Variants in TMEM135 observed in about 807,000 individuals in gnomAD.
TMEM135 encodes the protein transmembrane protein 135, also known as peroxisomal membrane protein 52.
A neutral mutation model predicts 60.3 loss-of-function variants in TMEM135; 30 were observed. That is an observed-to-expected ratio of 0.50 (90% CI 0.37 to 0.68). The LOEUF is 0.68. Ranked by LOEUF, TMEM135 falls within the 30% of genes least tolerant of loss-of-function variation. The pLI is 0.00. For missense variants in TMEM135, 468 were observed against 548.8 expected (o/e 0.85, Z 1.47); for synonymous variants, 190 against 186.7 (o/e 1.02, Z -0.14).
chr11:87,213,361 T>C (rs552016251), intron 5 of TMEM135, among the ~76,000 whole-genome samples: 1 of 152,272 alleles, frequency 6.6e-6, no homozygotes, highest in African/African-American at 2.4e-5. Context: ...GTTTTGGCAG[T>C]GTATAACAGA....
At chr11:87,150,215 C>CAAAA (rs200067307) in intron 4 of TMEM135, among the ~76,000 whole-genome samples, 3 of 109,896 alleles carry the variant, frequency 2.7e-5, no homozygotes, top group African/African-American at 3.3e-5. Flanking sequence ...AACTCTGTCT[C>CAAAA]AAAAAAAAAA....
chr11:87,098,423 A>T (rs1857379557), intron 4 of TMEM135, among the ~76,000 whole-genome samples: 1 of 152,132 alleles, frequency 6.6e-6, no homozygotes, highest in African/African-American at 2.4e-5. Flanking sequence ...TTTTAGATTA[A>T]AAGATACAAA....
chr11:87,133,541 T>C (rs1001610599), intron 4 of TMEM135, among the ~76,000 whole-genome samples: 1 of 152,214 alleles, frequency 6.6e-6, no homozygotes, highest in African/African-American at 2.4e-5. Flanking sequence ...AACCAGTTTA[T>C]TGAGGTATAA....
Position 87,324,759 on chromosome 11 carries a change from G to T in TMEM135, c.*3426G>T. On this transcript the variant is annotated 3_prime_UTR_variant, in exon 15 of 15. Coordinates refer to ENST00000305494, the MANE Select transcript of TMEM135 (RefSeq NM_022918.4). ...TTTTTATTTGTATGAGTATTAAGTA[G>T]TTTGACACAGCAACAAAGTTGTCCT... The T allele has an allele frequency of 2.2e-6, 1 of 453,858 alleles. No homozygotes were observed. Among genetic ancestry groups the T allele is most frequent in the Non-Finnish European group, 4.4e-6 (1 of 226,752 alleles). 28.1% of individuals were successfully genotyped at this position (453,858 alleles called of 1,614,324 possible).
chr11:87,263,163 A>G (rs539172233), intron 6 of TMEM135, among the ~76,000 whole-genome samples: 1 of 152,300 alleles, frequency 6.6e-6, no homozygotes, highest in South Asian at 2.1e-4. Flanking sequence ...ATGTGGTCCT[A>G]TTTGGAGTAG....
chr11:87,134,596 C>G (rs1202789347), intron 4 of TMEM135, among the ~76,000 whole-genome samples: 3 of 152,200 alleles, frequency 2.0e-5, no homozygotes, highest in East Asian at 3.8e-4. Flanking sequence ...ATCCTTTCAC[C>G]TCAGACTCCT....
intron 4 of TMEM135, among the ~76,000 whole-genome samples, chr11:87,149,369 T>G (rs184176216): frequency 2.8e-4 from 43 of 152,264 alleles, no homozygotes; most frequent in African/African-American, 1.0e-3. Context: ...AGCTAGTGTC[T>G]TCGTCATTCT....
At chr11:87,191,087 T>A (rs1365102152) in intron 5 of TMEM135, among the ~76,000 whole-genome samples, 1 of 152,184 alleles carries the variant, frequency 6.6e-6, no homozygotes, top group Non-Finnish European at 1.5e-5. Context: ...GCCGGCTGGT[T>A]GCAAGGAGGC....
At chr11:87,085,765 AAAC>A (rs1306660562) in intron 3 of TMEM135, among the ~76,000 whole-genome samples, 1 of 152,268 alleles carries the variant, frequency 6.6e-6, no homozygotes, top group Middle Eastern at 3.4e-3. Flanking sequence ...AAAAACAAAC[AAAC>A]AACAACAAAA....
chr11:87,274,088 A>G (rs1449359085), intron 6 of TMEM135, among the ~76,000 whole-genome samples: 1 of 152,228 alleles, frequency 6.6e-6, no homozygotes, highest in Admixed American at 6.5e-5. Flanking sequence ...ACCATCCTTT[A>G]GAGTGGGTTG....
intron 5 of TMEM135, among the ~76,000 whole-genome samples, chr11:87,186,072 A>G (rs192860190): frequency 1.3e-5 from 2 of 152,106 alleles, no homozygotes; most frequent in African/African-American, 4.8e-5. Context: ...ACATTCAGCT[A>G]TTTTTTGTAT....
intron 5 of TMEM135, among the ~76,000 whole-genome samples, chr11:87,223,378 G>T (rs1473222103): frequency 6.6e-6 from 1 of 151,588 alleles, no homozygotes; most frequent in African/African-American, 2.4e-5. Flanking sequence ...CACCGTGTTA[G>T]CCAGGATGGT....
intron 6 of TMEM135, among the ~76,000 whole-genome samples, chr11:87,283,531 T>G (rs367613546): frequency 6.6e-5 from 10 of 152,332 alleles, no homozygotes; most frequent in African/African-American, 2.4e-4. Context: ...TGCTATATTA[T>G]TTTACTGACA....
At chr11:87,208,184 C>A (rs1180096920) in intron 5 of TMEM135, among the ~76,000 whole-genome samples, 1 of 152,142 alleles carries the variant, frequency 6.6e-6, no homozygotes, top group Non-Finnish European at 1.5e-5. Context: ...CTTTTTACCT[C>A]CAAACGATCG....
chr11:87,155,617 C>A (rs1189540035), intron 4 of TMEM135, among the ~76,000 whole-genome samples: 1 of 152,098 alleles, frequency 6.6e-6, no homozygotes, highest in Admixed American at 6.5e-5. Flanking sequence ...TGAAAGGAAA[C>A]CTCAAATCCA....
intron 3 of TMEM135, among the ~76,000 whole-genome samples, chr11:87,080,511 T>A (rs1210513332): frequency 6.6e-6 from 1 of 152,180 alleles, no homozygotes; most frequent in African/African-American, 2.4e-5. Flanking sequence ...GATTCTGGAA[T>A]TGTCTATTTC....
chr11:87,323,944 A>T lies in TMEM135; in HGVS notation c.*2611A>T. Reference sequence around the variant, plus strand: ...TCATCACTCAGTTGATATCTAGTTTATTTTTTGCCTTCATTCGTTGTTTAG... The same window carrying T: ...TCATCACTCAGTTGATATCTAGTTTTTTTTTTGCCTTCATTCGTTGTTTAG... On this transcript the variant is annotated 3_prime_UTR_variant, in exon 15 of 15. Coordinates refer to ENST00000305494, the MANE Select transcript of TMEM135 (RefSeq NM_022918.4). The T allele has an allele frequency of 4.4e-6, 2 of 453,510 alleles. No homozygotes were observed. Among genetic ancestry groups the T allele is most frequent in the Non-Finnish European group, 8.8e-6 (2 of 226,682 alleles). 28.1% of individuals were successfully genotyped at this position (453,510 alleles called of 1,614,324 possible).
At chr11:87,061,707 A>G (rs1250027570) in intron 1 of TMEM135, among the ~76,000 whole-genome samples, 2 of 152,178 alleles carry the variant, frequency 1.3e-5, no homozygotes, top group Non-Finnish European at 2.9e-5. Context: ...GTAAAGTGCA[A>G]TCCCAATACA....
rs180762114 is a variant in TMEM135 at position 87,129,076 on chromosome 11, A to G, written c.397-28265A>G. On this transcript the variant is annotated intron_variant, in intron 4 of 14. Transcript: ENST00000305494. ...AATATGTGGAGCTTTTGTGTCTTCT[A>G]ACTATCTGATTTTAAAATTTAAAAC... 2.9e-4 allele frequency among the ~76,000 whole-genome samples: 44 copies of G among 150,438 alleles called. 1 individual carries two copies. The highest frequency in any genetic ancestry group is 9.5e-4 in the African/African-American group (39 of 41,036).
Sources: gnomAD v4.1 joint callset for allele counts (sites outside exome capture counted in the v4.1 genomes callset) on GRCh38, gnomAD v4.1.1 for gene constraint, MANE v1.5 for transcripts, NCBI Gene and HGNC (gene_info 2026-07-23, HGNC 2026-07-21) for gene names.